CELA2A: variants seen among roughly 807,000 people sequenced by gnomAD.
CELA2A encodes chymotrypsin-like elastase family member 2A.
In CELA2A, 31 loss-of-function variants were observed where a neutral mutation model predicts 35.3. The observed-to-expected ratio is 0.88, with a 90% confidence interval of 0.66 to 1.19. CELA2A has a LOEUF of 1.19. CELA2A is among the 50% of genes most tolerant of loss of function. The pLI is 0.00. For synonymous variants in CELA2A, 150 were observed against 149.8 expected (o/e 1.00, Z -0.01); for missense variants, 330 against 352.9 (o/e 0.94, Z 0.52).
intron 7 of CELA2A, among the ~76,000 whole-genome samples, chr1:15,470,284 C>T (rs1708574002): frequency 6.6e-6 from 1 of 152,056 alleles, no homozygotes; most frequent in African/African-American, 2.4e-5. Flanking sequence ...CTGGGGGTGC[C>T]TGAGAGCACC....
chr1:15,466,127 G>C lies in CELA2A; in HGVS notation c.622G>C (p.Val208Leu). The C allele has an allele frequency of 6.2e-7, 1 of 1,613,932 alleles. No homozygotes were observed. Among genetic ancestry groups the C allele is most frequent in the Non-Finnish European group, 8.5e-7 (1 of 1,179,900 alleles). Reference protein sequence around the residue: ...TSMICAGGDGVISSCNGDSGG... With the variant: ...TSMICAGGDGLISSCNGDSGG... Reference sequence around the variant, plus strand: ...TATGATCTGTGCTGGGGGTGATGGCGTGATCTCCAGCTGCAACGTGAGTAC... The same window carrying C: ...TATGATCTGTGCTGGGGGTGATGGCCTGATCTCCAGCTGCAACGTGAGTAC... Residue 208 changes from valine to leucine, a missense_variant, in exon 6 of 8, where the codon GTG (valine) becomes CTG (leucine). Physicochemically the swap from Val to Leu is conservative, Grantham distance 32. Transcript: ENST00000359621.
At chr1:15,471,412 G>A (rs1426806475) in intron 7 of CELA2A, among the ~76,000 whole-genome samples, 9 of 152,096 alleles carry the variant, frequency 5.9e-5, no homozygotes, top group Non-Finnish European at 1.3e-4. Context: ...GCCAGGCATG[G>A]TGGTGCATGA....
At chr1:15,468,549 G>A (rs1708551960) in intron 7 of CELA2A, among the ~76,000 whole-genome samples, 1 of 152,218 alleles carries the variant, frequency 6.6e-6, no homozygotes, top group Non-Finnish European at 1.5e-5. Context: ...GCTCATGCCT[G>A]TAATCGCAGC....
chr1:15,464,817 T>C (rs558879281), intron 5 of CELA2A, among the ~76,000 whole-genome samples: 2 of 152,188 alleles, frequency 1.3e-5, no homozygotes, highest in South Asian at 2.1e-4. Flanking sequence ...TCGGCCCAGC[T>C]CTGTCAGTCA....
intron 7 of CELA2A, among the ~76,000 whole-genome samples, 189 bp from the exon 8 acceptor site, chr1:15,471,801 G>T (rs1420807491): frequency 6.6e-6 from 1 of 152,106 alleles, no homozygotes; most frequent in African/African-American, 2.4e-5. Context: ...GACCCTAACA[G>T]GTCAATGAAA....
In CELA2A at chr1:15,467,438, T is replaced by C; in HGVS notation, c.692T>C (p.Val231Ala). 6.2e-7 allele frequency: 1 copy of C among 1,613,994 alleles called. No individual in the cohort carries two copies. The highest frequency in any genetic ancestry group is 8.5e-7 in the Non-Finnish European group (1 of 1,180,016). ...CAGGCGTCTGACGGCCGGTGGCAGG[T>C]GCACGGCATCGTCAGCTTCGGGTCT... ...NCQASDGRWQ[V>A]HGIVSFGSRL... The change falls in exon 7 of 8, where the codon GTG (valine) becomes GCG (alanine). Residue 231 changes from valine (V) to alanine (A), a missense_variant. Val to Ala is a moderately conservative substitution (Grantham distance 64). Coordinates refer to ENST00000359621, the MANE Select transcript of CELA2A (RefSeq NM_033440.3).
intron 7 of CELA2A, among the ~76,000 whole-genome samples, chr1:15,468,680 C>T (rs1708553810): frequency 6.6e-6 from 1 of 152,066 alleles, no homozygotes; most frequent in South Asian, 2.1e-4. Flanking sequence ...CACGGTGGTA[C>T]ATGCCTGTAG....
chr1:15,463,533 G>T lies in CELA2A; in HGVS notation c.493+11G>T, dbSNP rs751599775. 1.2e-6 allele frequency: 2 copies of T among 1,613,066 alleles called. No homozygotes were observed. Among genetic ancestry groups the T allele is most frequent in the East Asian group, 2.2e-5 (1 of 44,870 alleles). ...GGGGAAGGCTGCAGAGTAAGTGGGAGCCAGGAGCCCCCAGGCCTGGGAGGG... is the reference window on the plus strand; with the variant it reads ...GGGGAAGGCTGCAGAGTAAGTGGGATCCAGGAGCCCCCAGGCCTGGGAGGG... On this transcript the variant is annotated intron_variant, in intron 5 of 7. Transcript: ENST00000359621.
intron 4 of CELA2A, chr1:15,463,071 C>A: frequency 1.2e-6 from 1 of 821,958 alleles, no homozygotes; most frequent in Non-Finnish European, 1.9e-6. Context: ...ACTGCCAGAG[C>A]GACCTGGGTT....
intron 7 of CELA2A, among the ~76,000 whole-genome samples, chr1:15,471,459 A>G (rs1287150901): frequency 6.6e-6 from 1 of 152,110 alleles, no homozygotes; most frequent in Non-Finnish European, 1.5e-5. Context: ...GATGCATGAG[A>G]ATCACTTAAA....
In CELA2A at chr1:15,467,418, G is replaced by C. The variant is rs1042010; in HGVS notation, c.672G>C (p.Ala224=). Reference sequence around the variant, plus strand: ...CTGGCGGGCCACTGAACTGTCAGGCGTCTGACGGCCGGTGGCAGGTGCACG... The same window carrying C: ...CTGGCGGGCCACTGAACTGTCAGGCCTCTGACGGCCGGTGGCAGGTGCACG... ...GDSGGPLNCQ[A]SDGRWQVHGI... The change falls in exon 7 of 8, where the codon GCG becomes GCC. Residue 224 remains alanine (A), a synonymous_variant. Coordinates refer to ENST00000359621, the MANE Select transcript of CELA2A (RefSeq NM_033440.3). The C allele has an allele frequency of 6.2e-7, 1 of 1,613,486 alleles. No individual in the cohort carries two copies. The highest frequency in any genetic ancestry group is 1.7e-5 in the Admixed American group (1 of 59,998).
At chr1:15,468,883 C>A (rs1331775716) in intron 7 of CELA2A, among the ~76,000 whole-genome samples, 1 of 151,906 alleles carries the variant, frequency 6.6e-6, no homozygotes, top group Non-Finnish European at 1.5e-5. Flanking sequence ...AACAGGAAAC[C>A]CCGTCACAAG....
chr1:15,459,347 T>TA (rs5772643), intron 2 of CELA2A, among the ~76,000 whole-genome samples: 84,301 of 149,418 alleles, frequency 0.56, 24,286 homozygotes, highest in East Asian at 0.72. Flanking sequence ...TTTTTTTTTT[T>TA]AGAGATGGGT....
chr1:15,467,429 G>A lies in CELA2A; in HGVS notation c.683G>A (p.Arg228Gln), dbSNP rs139163441. 1.0e-4 allele frequency: 166 copies of A among 1,613,988 alleles called. 2 individuals carry two copies. The African/African-American group carries it at 1.7e-3, about 16-fold the overall frequency. ...CTGAACTGTCAGGCGTCTGACGGCC[G>A]GTGGCAGGTGCACGGCATCGTCAGC... ...GPLNCQASDG[R>Q]WQVHGIVSFG... The change falls in exon 7 of 8, where the codon CGG becomes CAG. Residue 228 changes from arginine (R) to glutamine (Q), a missense_variant. Arg to Gln is a conservative substitution (Grantham distance 43). Coordinates refer to ENST00000359621, the MANE Select transcript of CELA2A (RefSeq NM_033440.3).
rs376585711 is a variant in CELA2A, at chr1:15,464,039, G to A, written c.493+517G>A. 1.1e-3 allele frequency among the ~76,000 whole-genome samples: 173 copies of A among 152,212 alleles called. 4 individuals carry two copies. The South Asian group carries it at 0.031, about 27-fold the overall frequency. On this transcript the variant is annotated intron_variant, in intron 5 of 7. Transcript: ENST00000359621. ...TGCACTCCAGCCTGGGGGACAGAGC[G>A]AGACTCCGCCTCAAAAACAAAAGGC...
In CELA2A at chr1:15,461,665, G is replaced by A. The variant is rs776011341; in HGVS notation, c.227+7G>A. 3 of 1,613,902 alleles carry A rather than the reference G, an allele frequency of 1.9e-6. No homozygotes were observed. Among genetic ancestry groups the A allele is most frequent in the South Asian group, 2.2e-5 (2 of 91,080 alleles). ...CGGCTGCCCACTGCATCAGGTAACTGCCTTTCCCTGGGCGCTTGGCCTGCT... is the reference window on the plus strand; with the variant it reads ...CGGCTGCCCACTGCATCAGGTAACTACCTTTCCCTGGGCGCTTGGCCTGCT... On this transcript the variant is annotated splice_region_variant and intron_variant, in intron 3 of 7. Transcript: ENST00000359621.
At chr1:15,457,202 C>T (rs758553481) in intron 2 of CELA2A, 28 bp downstream of exon 2, 18 of 1,603,090 alleles carry the variant, frequency 1.1e-5, no homozygotes, top group South Asian at 7.7e-5. Flanking sequence ...TACTTCTCCC[C>T]GTCCCTGCCC....
chr1:15,459,654 G>A (rs555126098), intron 2 of CELA2A, among the ~76,000 whole-genome samples: 6 of 152,216 alleles, frequency 3.9e-5, no homozygotes, highest in African/African-American at 1.2e-4. Context: ...TCACCCTCTT[G>A]CACAAAAGTA....
intron 6 of CELA2A, among the ~76,000 whole-genome samples, 180 bp from the exon 7 acceptor site, chr1:15,467,206 C>A (rs189287351): frequency 5.1e-4 from 77 of 152,288 alleles, no homozygotes; most frequent in African/African-American, 1.8e-3. Flanking sequence ...TCTGGCCACA[C>A]AGGAAGAATA....
Sources: gnomAD v4.1 joint callset for allele counts (sites outside exome capture counted in the v4.1 genomes callset) on GRCh38, gnomAD v4.1.1 for gene constraint, MANE v1.5 for transcripts, NCBI Gene and HGNC (gene_info 2026-07-23, HGNC 2026-07-21) for gene names.